Variants in MARCHF3 observed in about 807,000 individuals in gnomAD.
MARCHF3 encodes the protein membrane associated ring-CH-type finger 3.
Under a neutral mutation model 24.2 loss-of-function variants are expected in MARCHF3, and 13 were observed. That is an observed-to-expected ratio of 0.54 (90% CI 0.35 to 0.85). The LOEUF is 0.85. Among genes scored for constraint, MARCHF3 ranks in the 40% least tolerant of loss-of-function variants. The probability of loss-of-function intolerance (pLI) is 0.01; values close to 1 mark genes in which losing one functional copy is unlikely to be tolerated. For missense variants in MARCHF3, 276 were observed against 325.0 expected, an observed-to-expected ratio of 0.85 and a Z score of 1.16; for synonymous variants, 144 against 137.3, an observed-to-expected ratio of 1.05 and a Z score of -0.34.
intron 1 of MARCHF3, among the ~76,000 whole-genome samples, chr5:127,016,988 A>G (rs530768183): frequency 5.1e-4 from 77 of 152,254 alleles, no homozygotes; most frequent in African/African-American, 1.8e-3. Context: ...GCTGGAAACC[A>G]CCATTCTCAG....
At chr5:126,935,601 C>CTTTTT (rs202058243) in intron 1 of MARCHF3, among the ~76,000 whole-genome samples, 6 of 70,592 alleles carry the variant, frequency 8.5e-5, no homozygotes, top group Admixed American at 1.8e-4. Flanking sequence ...GTATATATGG[C>CTTTTT]TTTTTTTTTT....
chr5:126,877,801 A>T (rs1226133301), intron 4 of MARCHF3, among the ~76,000 whole-genome samples: 1 of 152,240 alleles, frequency 6.6e-6, no homozygotes, highest in Non-Finnish European at 1.5e-5. Context: ...AACAGCAGCC[A>T]AATGCATCAT....
chr5:126,969,962 A>G (rs1233927472), intron 1 of MARCHF3, among the ~76,000 whole-genome samples: 1 of 152,222 alleles, frequency 6.6e-6, no homozygotes, highest in African/African-American at 2.4e-5. Flanking sequence ...GGGGATGAAT[A>G]TGATAATAAT....
At chr5:127,002,256 A>T (rs1413854452) in intron 1 of MARCHF3, among the ~76,000 whole-genome samples, 2 of 152,178 alleles carry the variant, frequency 1.3e-5, no homozygotes, top group African/African-American at 4.8e-5. Flanking sequence ...CCCTGATAAC[A>T]TTTGTCTGGT....
At chr5:126,956,645 CAAAAAAAAAAAAA>C (rs60640113) in intron 1 of MARCHF3, among the ~76,000 whole-genome samples, 1 of 20,598 alleles carries the variant, frequency 4.9e-5, no homozygotes, top group Non-Finnish European at 1.5e-4. Flanking sequence ...GCTCTGTCTC[CAAAAAAAAAAAAA>C]AAAAAAAAAA....
chr5:126,955,045 C>T (rs912677069), intron 1 of MARCHF3, among the ~76,000 whole-genome samples: 12 of 152,210 alleles, frequency 7.9e-5, no homozygotes, highest in African/African-American at 2.9e-4. Flanking sequence ...TCTAAAGTCA[C>T]TTTGTTCGCC....
chr5:126,909,139 A>T (rs1754414997), intron 3 of MARCHF3, among the ~76,000 whole-genome samples: 1 of 152,220 alleles, frequency 6.6e-6, no homozygotes, highest in South Asian at 2.1e-4. Flanking sequence ...CTCGGGGGTC[A>T]GGGGTCAGGG....
intron 1 of MARCHF3, among the ~76,000 whole-genome samples, chr5:126,938,326 C>A (rs143623905): frequency 3.3e-5 from 5 of 152,026 alleles, no homozygotes; most frequent in Middle Eastern, 3.4e-3. Context: ...TGCCACCACA[C>A]CTGGCTAATT....
intron 4 of MARCHF3, among the ~76,000 whole-genome samples, chr5:126,877,894 T>C (rs1753214439): frequency 6.6e-6 from 1 of 152,202 alleles, no homozygotes; most frequent in South Asian, 2.1e-4. Context: ...GATGGAGTCC[T>C]AGACTACTAG....
At chr5:126,877,345 G>A (rs549683699) in intron 4 of MARCHF3, among the ~76,000 whole-genome samples, 2 of 152,256 alleles carry the variant, frequency 1.3e-5, no homozygotes, top group South Asian at 4.1e-4. Flanking sequence ...GATTAGAAAC[G>A]AGCAGGCACA....
rs1752972046 is a variant in MARCHF3, at chr5:126,871,710, CTCTTTT to C, written c.604-925_604-920del. Among the ~76,000 whole-genome samples, 2 of 145,388 alleles carry C rather than the reference CTCTTTT, an allele frequency of 1.4e-5. 1 individual carries two copies. Among genetic ancestry groups the C allele is most frequent in the African/African-American group, 5.3e-5 (2 of 37,910 alleles). ...CACTGCTTCAAACTTAAGCCTCTCT[CTCTTTT>C]TTTTTTTTTTGGATGGAGTCTTGCT... On this transcript the variant is annotated intron_variant, in intron 4 of 4. Coordinates refer to ENST00000308660, the MANE Select transcript of MARCHF3 (RefSeq NM_178450.5).
chr5:126,900,169 A>G (rs1273240985), intron 3 of MARCHF3, among the ~76,000 whole-genome samples: 1 of 152,074 alleles, frequency 6.6e-6, no homozygotes, highest in African/African-American at 2.4e-5. Flanking sequence ...TCTGAAGCAC[A>G]TGTAGTTTCT....
chr5:127,001,143 CAGG>C (rs1752116144), intron 1 of MARCHF3, among the ~76,000 whole-genome samples: 4 of 151,644 alleles, frequency 2.6e-5, no homozygotes, highest in Non-Finnish European at 5.9e-5. Flanking sequence ...GAGGCTGAGG[CAGG>C]AGGATTGCTT....
At chr5:126,948,852 C>T (rs764467979) in intron 1 of MARCHF3, among the ~76,000 whole-genome samples, 8 of 152,098 alleles carry the variant, frequency 5.3e-5, no homozygotes, top group African/African-American at 1.4e-4. Context: ...CTGGCAGGTG[C>T]GAGCTGAGGA....
At chr5:127,024,298 T>C (rs1005706135) in intron 1 of MARCHF3, among the ~76,000 whole-genome samples, 2 of 152,256 alleles carry the variant, frequency 1.3e-5, no homozygotes, top group Non-Finnish European at 2.9e-5. Context: ...ACTATCTTTA[T>C]GCATATCCTT....
chr5:126,934,351 T>G (rs1244288439), intron 1 of MARCHF3, among the ~76,000 whole-genome samples: 3 of 152,116 alleles, frequency 2.0e-5, no homozygotes, highest in African/African-American at 7.2e-5. Context: ...AACACAGACC[T>G]CCTATTTAGA....
At chr5:126,912,359 A>G (rs1754568023) in intron 3 of MARCHF3, among the ~76,000 whole-genome samples, 1 of 152,210 alleles carries the variant, frequency 6.6e-6, no homozygotes, top group Non-Finnish European at 1.5e-5. Context: ...GACAAATAAA[A>G]TTTATAAATG....
At chr5:126,965,754 G>A (rs1445138749) in intron 1 of MARCHF3, among the ~76,000 whole-genome samples, 2 of 152,096 alleles carry the variant, frequency 1.3e-5, no homozygotes, top group Non-Finnish European at 2.9e-5. Context: ...TCAAGGTCAT[G>A]GATTTTAAGT....
At chr5:126,893,026 A>T (rs1162522340) in intron 3 of MARCHF3, among the ~76,000 whole-genome samples, 1 of 151,788 alleles carries the variant, frequency 6.6e-6, no homozygotes, top group Non-Finnish European at 1.5e-5. Context: ...GGGAGGGTGT[A>T]TGTGTCGAGG....
Sources: allele counts gnomAD v4.1 joint callset (sites outside exome capture counted in the v4.1 genomes callset), GRCh38; gene constraint gnomAD v4.1.1; transcripts MANE v1.5; gene names NCBI Gene and HGNC (gene_info 2026-07-23, HGNC 2026-07-21).